ETV1: variants seen among roughly 807,000 people sequenced by gnomAD.
The protein encoded by ETV1 is ETS variant transcription factor 1.
In ETV1, 27 loss-of-function variants were observed where a neutral mutation model predicts 62.3. That is an observed-to-expected ratio of 0.43 (90% CI 0.32 to 0.60). The LOEUF is 0.60. Among genes scored for constraint, ETV1 ranks in the 20% least tolerant of loss-of-function variants. ETV1 has a pLI of 0.06. For synonymous variants in ETV1, 222 were observed against 199.6 expected (o/e 1.11, Z -0.94); for missense variants, 605 against 605.8 (o/e 1.00, Z 0.01).
At chr7:13,901,297 G>C (rs117808052) in intron 12 of ETV1, among the ~76,000 whole-genome samples, 3,884 of 152,190 alleles carry the variant, frequency 0.026, 71 homozygotes, top group Middle Eastern at 0.078. Flanking sequence ...AAGCCACTGC[G>C]CCTGGCCTGG....
intron 6 of ETV1, among the ~76,000 whole-genome samples, chr7:13,971,805 A>C (rs1482558567): frequency 1.3e-5 from 2 of 152,158 alleles, no homozygotes; most frequent in African/African-American, 4.8e-5. Context: ...AAGGTGGTAG[A>C]TTTTCAAAGA....
chr7:13,933,634 C>T (rs1435580692), intron 8 of ETV1, among the ~76,000 whole-genome samples: 1 of 152,160 alleles, frequency 6.6e-6, no homozygotes, highest in Non-Finnish European at 1.5e-5. Context: ...GGGAAAGGAT[C>T]TGTTCCCAGA....
chr7:13,916,469 C>G (rs2128427265), intron 9 of ETV1, among the ~76,000 whole-genome samples: 1 of 152,096 alleles, frequency 6.6e-6, no homozygotes, highest in Non-Finnish European at 1.5e-5. Context: ...GAAAACCTGT[C>G]TCTACTAAAA....
intron 4 of ETV1, 91 bp from the exon 5 acceptor site, chr7:13,986,776 A>T: frequency 1.0e-6 from 1 of 971,430 alleles, no homozygotes; most frequent in Non-Finnish European, 1.5e-6. Flanking sequence ...GGTATTAAAT[A>T]TAAATTTAAT....
intron 9 of ETV1, among the ~76,000 whole-genome samples, chr7:13,916,796 G>T (rs557918570): frequency 6.6e-6 from 1 of 152,164 alleles, no homozygotes; most frequent in East Asian, 1.9e-4. Flanking sequence ...GCTGGATGTG[G>T]TGGCACACAC....
chr7:13,927,865 A>G (rs145948409), intron 9 of ETV1, among the ~76,000 whole-genome samples: 38 of 152,348 alleles, frequency 2.5e-4, no homozygotes, highest in African/African-American at 7.5e-4. Context: ...ACACAACTGT[A>G]TCCTATTGGC....
Position 13,986,640 on chromosome 7 carries a change from T to C in ETV1, c.179A>G (p.Glu60Gly). Residue 60 changes from glutamate to glycine, a missense_variant and splice_region_variant, in exon 5 of 14, where the codon GAA becomes GGA. Around this residue, in one of 3 missense-constraint regions of ETV1, gnomAD observed 426 missense variants for 377.8 expected, o/e 1.13. Coordinates refer to ENST00000430479, the MANE Select transcript of ETV1 (RefSeq NM_004956.5). ...TTTTAAAGCAAATTTTGCCTTACCT[T>C]CTGCAAGCCATGTTTCCTGTAATTG... ...LSQLQETWLAEAQVPDNDEQF... is the reference protein window; with the variant it reads ...LSQLQETWLAGAQVPDNDEQF... 6.2e-7 allele frequency: 1 copy of C among 1,612,670 alleles called. No homozygotes were observed. Among genetic ancestry groups the C allele is most frequent in the Non-Finnish European group, 8.5e-7 (1 of 1,179,352 alleles).
At chr7:13,922,962 A>G (rs186194278) in intron 9 of ETV1, among the ~76,000 whole-genome samples, 3 of 152,332 alleles carry the variant, frequency 2.0e-5, no homozygotes, top group African/African-American at 7.2e-5. Context: ...TTGTTTTTTA[A>G]GGTAAAATAT....
chr7:13,944,899 C>T (rs1015223309), intron 6 of ETV1, among the ~76,000 whole-genome samples: 3 of 152,060 alleles, frequency 2.0e-5, no homozygotes, highest in South Asian at 4.2e-4. Context: ...GAGACTGCTA[C>T]GTGAAAATGA....
chr7:13,894,896 A>T lies in ETV1; in HGVS notation c.*970T>A. Reference sequence around the variant, plus strand: ...AGTGTATTGGATATTTTTCTTAAAGAGTGTTTGCTGTAACTAGAACAGCAT... The same window carrying T: ...AGTGTATTGGATATTTTTCTTAAAGTGTGTTTGCTGTAACTAGAACAGCAT... On this transcript the variant is annotated 3_prime_UTR_variant, in exon 14 of 14. Coordinates refer to ENST00000430479, the MANE Select transcript of ETV1 (RefSeq NM_004956.5). 4.3e-6 allele frequency: 1 copy of T among 232,826 alleles called. No homozygotes were observed. Among genetic ancestry groups the T allele is most frequent in the Non-Finnish European group, 8.5e-6 (1 of 117,686 alleles). 14.4% of individuals were successfully genotyped at this position (232,826 alleles called of 1,614,324 possible). A position where few individuals can be genotyped will look rare whatever the true frequency, so the allele number is the denominator to read the frequency against.
At chr7:13,923,075 G>A (rs535418488) in intron 9 of ETV1, among the ~76,000 whole-genome samples, 1 of 152,134 alleles carries the variant, frequency 6.6e-6, no homozygotes. Context: ...CCCTCTGAAT[G>A]TTGTTATTTT....
chr7:13,894,184 A>C lies in ETV1; in HGVS notation c.*1682T>G, dbSNP rs559539655. ...TTTTTTTTTTTGCTTTTTGCTATAG[A>C]CTCTTTAAAAAAGTTGTTCTTCTGG... On this transcript the variant is annotated 3_prime_UTR_variant, in exon 14 of 14. Coordinates refer to ENST00000430479, the MANE Select transcript of ETV1 (RefSeq NM_004956.5). The C allele has an allele frequency of 4.4e-6, 1 of 229,162 alleles. No individual in the cohort carries two copies. Among genetic ancestry groups the C allele is most frequent in the Non-Finnish European group, 8.5e-6 (1 of 117,008 alleles). The allele number at this position is 229,162 out of a possible 1,614,324, so 14.2% of individuals were successfully genotyped here. A position where few individuals can be genotyped will look rare whatever the true frequency, so the allele number is the denominator to read the frequency against.
At chr7:13,940,804 A>T (rs1183179357) in intron 6 of ETV1, among the ~76,000 whole-genome samples, 1 of 152,232 alleles carries the variant, frequency 6.6e-6, no homozygotes, top group Non-Finnish European at 1.5e-5. Context: ...TTGATATCAC[A>T]AACTACCAAG....
At chr7:13,934,933 G>A (rs913703611) in intron 8 of ETV1, among the ~76,000 whole-genome samples, 2 of 152,146 alleles carry the variant, frequency 1.3e-5, no homozygotes, top group African/African-American at 4.8e-5. Context: ...GCATACAGAA[G>A]CACAGGGCAG....
At chr7:13,917,060 C>T (rs1354673901) in intron 9 of ETV1, among the ~76,000 whole-genome samples, 1 of 151,924 alleles carries the variant, frequency 6.6e-6, no homozygotes, top group Non-Finnish European at 1.5e-5. Flanking sequence ...CGAAAAATAA[C>T]AGTATAGAAT....
intron 6 of ETV1, 88 bp downstream of exon 6, chr7:13,977,339 C>A: frequency 1.2e-6 from 1 of 843,914 alleles, no homozygotes; most frequent in Non-Finnish European, 1.9e-6. Context: ...AGACAAGACA[C>A]TGGACGTGAA....
intron 12 of ETV1, among the ~76,000 whole-genome samples, chr7:13,903,239 T>C (rs1782614027): frequency 6.6e-6 from 1 of 152,194 alleles, no homozygotes; most frequent in African/African-American, 2.4e-5. Flanking sequence ...AAAAAGATGA[T>C]AGCACTATGG....
In ETV1 at chr7:13,906,470, G is replaced by A; in HGVS notation, c.1070C>T (p.Thr357Ile). The change falls in exon 12 of 14, where the codon ACT (threonine) becomes ATT (isoleucine). Residue 357 changes from threonine to isoleucine, a missense_variant. This residue lies in a region of ETV1 where 100 missense variants were observed against 156.4 expected (regional missense o/e 0.64). Coordinates refer to ENST00000430479, the MANE Select transcript of ETV1 (RefSeq NM_004956.5). ...DPSNSHFIAW[T>I]GRGMEFKLIE... ...CAGTTTAAATTCCATGCCTCGACCA[G>A]TCCAGGCAATAAAATGAGAATTTGA... 6.2e-7 allele frequency: 1 copy of A among 1,609,754 alleles called. No individual in the cohort carries two copies. Among genetic ancestry groups the A allele is most frequent in the Non-Finnish European group, 8.5e-7 (1 of 1,177,966 alleles).
chr7:13,964,685 A>G (rs1790577228), intron 6 of ETV1, among the ~76,000 whole-genome samples: 1 of 152,150 alleles, frequency 6.6e-6, no homozygotes, highest in African/African-American at 2.4e-5. Flanking sequence ...CTTCTGAATA[A>G]CAAAATGGGT....
Sources: allele counts gnomAD v4.1 joint callset (sites outside exome capture counted in the v4.1 genomes callset), GRCh38; gene constraint gnomAD v4.1.1; regional missense constraint gnomAD v4.1.1; transcripts MANE v1.5; gene names NCBI Gene and HGNC (gene_info 2026-07-23, HGNC 2026-07-21).